Variants in CIROZ observed in about 807,000 individuals in gnomAD.
CIROZ encodes the protein ciliated left-right organizer protein containing ZP-N domains.
chr1:10,980,430 A>G, the CIROZ span, among the ~76,000 whole-genome samples: 1 of 152,262 alleles, frequency 6.6e-6, no homozygotes, highest in Non-Finnish European at 1.5e-5. Context: ...CACTGAGCCC[A>G]ATGCGGAATT....
At chr1:10,957,334 G>A in the CIROZ span, among the ~76,000 whole-genome samples, 4 of 152,320 alleles carry the variant, frequency 2.6e-5, no homozygotes, top group Middle Eastern at 3.4e-3. Flanking sequence ...CATGTGAGCC[G>A]TCTTCTCTTA....
the CIROZ span, among the ~76,000 whole-genome samples, chr1:10,969,043 C>T: frequency 2.0e-5 from 3 of 152,126 alleles, no homozygotes. Context: ...CAAGGCGTCC[C>T]GGGCTGGCTG....
chr1:10,969,919 C>A, the CIROZ span: 2 of 1,477,634 alleles, frequency 1.4e-6, no homozygotes, highest in South Asian at 1.4e-5. Flanking sequence ...CAGGGGAAGG[C>A]AACACAAAAG....
chr1:10,959,326 A>C, the CIROZ span, among the ~76,000 whole-genome samples: 2 of 152,104 alleles, frequency 1.3e-5, no homozygotes, highest in Non-Finnish European at 2.9e-5. The surrounding 1 kb of genome is among the most constrained non-coding windows in gnomAD (Gnocchi z 4.3). Context: ...AAACCGAGAC[A>C]GTGGTTTCTC....
At chr1:10,956,942 A>C in the CIROZ span, 5 of 1,231,176 alleles carry the variant, frequency 4.1e-6, no homozygotes, top group Non-Finnish European at 5.7e-6. Context: ...GAGGGGAATA[A>C]GGTGCCCAGA....
At chr1:10,946,956 G>C in the CIROZ span, among the ~76,000 whole-genome samples, 1 of 152,224 alleles carries the variant, frequency 6.6e-6, no homozygotes, top group Non-Finnish European at 1.5e-5. Context: ...AGGCCTGCAA[G>C]CATCCCCTCT....
the CIROZ span, among the ~76,000 whole-genome samples, chr1:10,963,572 C>T: frequency 6.6e-6 from 1 of 151,944 alleles, no homozygotes; most frequent in Non-Finnish European, 1.5e-5. Context: ...TACAGAGGTG[C>T]CCCGCTGATG....
chr1:10,967,214 G>A, the CIROZ span, among the ~76,000 whole-genome samples: 21 of 146,810 alleles, frequency 1.4e-4, no homozygotes, highest in Admixed American at 4.8e-4. Context: ...AAAGCCTCAC[G>A]TGACCTGCCC....
the CIROZ span, among the ~76,000 whole-genome samples, chr1:10,962,578 C>T: frequency 6.6e-6 from 1 of 152,166 alleles, no homozygotes; most frequent in Non-Finnish European, 1.5e-5. Flanking sequence ...CCTCAGCTCC[C>T]TCTGTAGGGG....
At chr1:10,980,910 C>A in the CIROZ span, among the ~76,000 whole-genome samples, 1 of 152,346 alleles carries the variant, frequency 6.6e-6, no homozygotes, top group African/African-American at 2.4e-5. Flanking sequence ...CGGACCTCCC[C>A]CTTGCTCGCC....
At chr1:10,960,887 G>T in the CIROZ span, among the ~76,000 whole-genome samples, 2 of 150,702 alleles carry the variant, frequency 1.3e-5, no homozygotes, top group Non-Finnish European at 3.0e-5. The surrounding 1 kb of genome is among the most constrained non-coding windows in gnomAD (Gnocchi z 4.6). Context: ...CAGTCAATTC[G>T]ATGAGGTTCT....
At chr1:10,954,453 C>CAAAAAAAAAA in the CIROZ span, among the ~76,000 whole-genome samples, 2 of 117,328 alleles carry the variant, frequency 1.7e-5, no homozygotes, top group African/African-American at 6.8e-5. Flanking sequence ...GACTCTGTCT[C>CAAAAAAAAAA]AAAAAAAAAA....
the CIROZ span, among the ~76,000 whole-genome samples, chr1:10,952,200 C>T: frequency 2.6e-5 from 4 of 152,046 alleles, no homozygotes; most frequent in Non-Finnish European, 4.4e-5. Flanking sequence ...AGAAAGACCT[C>T]GAAGCTGCAG....
chr1:10,959,481 A>C, the CIROZ span, among the ~76,000 whole-genome samples: 1 of 152,166 alleles, frequency 6.6e-6, no homozygotes, highest in Admixed American at 6.5e-5. This position sits in a 1 kb window ranked among gnomAD's most constrained non-coding sequence, Gnocchi z 4.3. Context: ...GTGCTCTCTC[A>C]AGTCTCTCTA....
At chr1:10,980,455 G>A in the CIROZ span, among the ~76,000 whole-genome samples, 4 of 152,254 alleles carry the variant, frequency 2.6e-5, no homozygotes, top group South Asian at 2.1e-4. Context: ...TCCCAGCAGC[G>A]GGGAGGCGCT....
chr1:10,972,201 T>A, the CIROZ span, among the ~76,000 whole-genome samples: 1 of 152,236 alleles, frequency 6.6e-6, no homozygotes, highest in African/African-American at 2.4e-5. Context: ...TGTAACCTAT[T>A]TCCCCCAATA....
chr1:10,972,235 G>C, the CIROZ span, among the ~76,000 whole-genome samples: 3 of 152,166 alleles, frequency 2.0e-5, no homozygotes, highest in Non-Finnish European at 1.5e-5. Flanking sequence ...AGTTGATAGA[G>C]AGCTTAAGTT....
chr1:10,964,278 G>T, the CIROZ span: 1 of 1,605,522 alleles, frequency 6.2e-7, no homozygotes, highest in Non-Finnish European at 8.5e-7. Flanking sequence ...CTTTCTGGAA[G>T]TAGGGCAAAA....
At chr1:10,974,162 G>A in the CIROZ span, among the ~76,000 whole-genome samples, 60 of 152,222 alleles carry the variant, frequency 3.9e-4, 1 homozygote, top group African/African-American at 1.2e-3. The surrounding 1 kb of genome is among the most constrained non-coding windows in gnomAD (Gnocchi z 4.4). Context: ...CCAGGGCTGC[G>A]GGCCGGGCTG....
Sources: gnomAD v4.1 joint callset for allele counts (sites outside exome capture counted in the v4.1 genomes callset) on GRCh38, gnomAD v4.1.1 for gene constraint, Gnocchi (gnomAD v3.1) non-coding constraint, MANE v1.5 for transcripts, NCBI Gene and HGNC (gene_info 2026-07-23, HGNC 2026-07-21) for gene names.